The following SLC24A2 variants were observed in gnomAD, a reference collection of about 807,000 sequenced individuals.
SLC24A2 encodes the protein sodium/potassium/calcium exchanger 2.
In SLC24A2, 36 loss-of-function variants were observed where a neutral mutation model predicts 62.0. The observed-to-expected ratio is 0.58, with a 90% CI of 0.44 to 0.77. SLC24A2 has a LOEUF of 0.77. Among genes scored for constraint, SLC24A2 ranks in the 30% least tolerant of loss-of-function variants. SLC24A2 has a pLI of 0.00. For missense variants in SLC24A2, 846 were observed against 817.9 expected (o/e 1.03, Z -0.42); for synonymous variants, 358 against 294.0 (o/e 1.22, Z -2.23).
At chr9:20,036,843 T>C in the SLC24A2 span, among the ~76,000 whole-genome samples, 1 of 151,944 alleles carries the variant, frequency 6.6e-6, no homozygotes, top group Non-Finnish European at 1.5e-5. Flanking sequence ...TATGTGTATA[T>C]ATATGTGTGT....
intron 10 of SLC24A2, among the ~76,000 whole-genome samples, chr9:19,520,293 G>A (rs1239702807): frequency 1.3e-5 from 2 of 151,198 alleles, no homozygotes; most frequent in African/African-American, 4.9e-5. Flanking sequence ...GGTGGAGATC[G>A]CAGCACCTCT....
chr9:20,024,249 G>A, the SLC24A2 span, among the ~76,000 whole-genome samples: 3 of 152,164 alleles, frequency 2.0e-5, no homozygotes, highest in Non-Finnish European at 4.4e-5. Context: ...AAAATCTTGG[G>A]AATGTGCGGC....
chr9:19,678,181 C>T (rs1440888663), intron 2 of SLC24A2, among the ~76,000 whole-genome samples: 7 of 152,226 alleles, frequency 4.6e-5, no homozygotes, highest in Non-Finnish European at 8.8e-5. Context: ...TAGCGCAGAG[C>T]AGGTGCTTAA....
the SLC24A2 span, among the ~76,000 whole-genome samples, chr9:19,859,464 C>A: frequency 2.0e-5 from 3 of 151,980 alleles, no homozygotes. Flanking sequence ...TTTACCTATG[C>A]AACAAACGTG....
intron 2 of SLC24A2, among the ~76,000 whole-genome samples, chr9:19,777,562 G>GAA (rs1822881010): frequency 1.3e-5 from 2 of 151,984 alleles, no homozygotes; most frequent in Non-Finnish European, 2.9e-5. Context: ...TAGCATTTTA[G>GAA]AAAAACATTT....
the SLC24A2 span, among the ~76,000 whole-genome samples, chr9:19,882,504 C>A: frequency 3.3e-5 from 5 of 151,912 alleles, no homozygotes; most frequent in Non-Finnish European, 5.9e-5. Context: ...CCCTCCACGC[C>A]CCCCACCCAC....
the SLC24A2 span, among the ~76,000 whole-genome samples, chr9:20,019,152 A>AGG: frequency 1.9e-5 from 2 of 106,740 alleles, no homozygotes; most frequent in Non-Finnish European, 4.1e-5. Flanking sequence ...AAAGAAAGAA[A>AGG]GAAAGAGAGA....
At chr9:20,186,151 G>A in the SLC24A2 span, among the ~76,000 whole-genome samples, 9 of 152,156 alleles carry the variant, frequency 5.9e-5, 1 homozygote, top group Admixed American at 6.5e-5. Context: ...AGCGTAATAG[G>A]GGGGACTCTT....
intron 2 of SLC24A2, among the ~76,000 whole-genome samples, chr9:19,776,937 A>G (rs544194015): frequency 6.6e-6 from 1 of 152,324 alleles, no homozygotes; most frequent in African/African-American, 2.4e-5. Context: ...GAGGTACAGA[A>G]TCCCCCTTAG....
chr9:19,991,500 G>T, the SLC24A2 span, among the ~76,000 whole-genome samples: 7 of 152,082 alleles, frequency 4.6e-5, no homozygotes, highest in Admixed American at 4.6e-4. Context: ...ACACACCCGG[G>T]AACAATACTT....
chr9:19,529,443 T>C (rs373691588), intron 8 of SLC24A2, among the ~76,000 whole-genome samples: 1 of 152,220 alleles, frequency 6.6e-6, no homozygotes, highest in South Asian at 2.1e-4. Context: ...ATATTTCTTA[T>C]GATCATTTGC....
At chr9:20,245,020 T>C in the SLC24A2 span, among the ~76,000 whole-genome samples, 2 of 152,234 alleles carry the variant, frequency 1.3e-5, no homozygotes, top group African/African-American at 4.8e-5. Flanking sequence ...CTAAGTCACG[T>C]ATTCCTGTGG....
At chr9:19,751,155 G>A (rs1012849758) in intron 2 of SLC24A2, among the ~76,000 whole-genome samples, 2 of 152,120 alleles carry the variant, frequency 1.3e-5, no homozygotes, top group Non-Finnish European at 2.9e-5. Context: ...TTCACTTAGC[G>A]CTGACGGTAA....
chr9:19,553,896 C>T (rs970112867), intron 7 of SLC24A2, among the ~76,000 whole-genome samples: 11 of 152,158 alleles, frequency 7.2e-5, no homozygotes, highest in African/African-American at 1.2e-4. Context: ...CTTGTCTTCC[C>T]GTATCTATTC....
chr9:19,574,786 C>T lies in SLC24A2; in HGVS notation c.1229-1317G>A, dbSNP rs1036356881. Among the ~76,000 whole-genome samples the T allele has an allele frequency of 4.6e-5, 7 of 151,930 alleles. No homozygotes were observed. In the East Asian group the frequency reaches 5.8e-4, roughly 13 times the overall value. Reference sequence around the variant, plus strand: ...ACCACTGAGGTCTGCTGAACTTCATCGCGAGGGAAATTAAAAGGTTCCTAT... The same window carrying T: ...ACCACTGAGGTCTGCTGAACTTCATTGCGAGGGAAATTAAAAGGTTCCTAT... On this transcript the variant is annotated intron_variant, in intron 6 of 10. Transcript: ENST00000341998.
the SLC24A2 span, among the ~76,000 whole-genome samples, chr9:20,222,103 C>A: frequency 1.3e-5 from 2 of 151,792 alleles, no homozygotes; most frequent in South Asian, 4.2e-4. Context: ...TTATATCTGG[C>A]AAGAAAATAT....
At chr9:20,146,508 G>C in the SLC24A2 span, among the ~76,000 whole-genome samples, 1 of 152,052 alleles carries the variant, frequency 6.6e-6, no homozygotes, top group African/African-American at 2.4e-5. Context: ...AATACAATAT[G>C]GTTTCCCCAA....
chr9:19,663,690 T>A (rs561030082), intron 2 of SLC24A2, among the ~76,000 whole-genome samples: 4 of 152,292 alleles, frequency 2.6e-5, no homozygotes, highest in Non-Finnish European at 1.5e-5. Context: ...GCTTTCTCCC[T>A]CATTAAGTGC....
chr9:19,527,072 A>G (rs925813528), intron 9 of SLC24A2, among the ~76,000 whole-genome samples: 2 of 152,184 alleles, frequency 1.3e-5, no homozygotes, highest in Non-Finnish European at 2.9e-5. Context: ...TGGAAATCCA[A>G]TTATTCCAGC....
Sources: gnomAD v4.1 joint callset for allele counts (sites outside exome capture counted in the v4.1 genomes callset) on GRCh38, gnomAD v4.1.1 for gene constraint, MANE v1.5 for transcripts, NCBI Gene and HGNC (gene_info 2026-07-23, HGNC 2026-07-21) for gene names.